CDKAL1: variants seen among roughly 807,000 people sequenced by gnomAD.
CDKAL1 encodes threonylcarbamoyladenosine tRNA methylthiotransferase.
In CDKAL1, 32 loss-of-function variants were observed where a neutral mutation model predicts 68.2. The ratio of observed to expected loss-of-function variants is 0.47; its 90% CI spans 0.35 to 0.63. The LOEUF is 0.63. Among genes scored for constraint, CDKAL1 ranks in the 30% least tolerant of loss-of-function variants. The pLI is 0.00. For synonymous variants in CDKAL1, 234 were observed against 244.3 expected, an observed-to-expected ratio of 0.96 and a Z score of 0.39; for missense variants, 606 against 696.7, an observed-to-expected ratio of 0.87 and a Z score of 1.47.
intron 4 of CDKAL1, among the ~76,000 whole-genome samples, chr6:20,606,288 G>C (rs558912329): frequency 5.3e-5 from 8 of 152,114 alleles, no homozygotes; most frequent in African/African-American, 9.7e-5. Flanking sequence ...ATTTTTCTGC[G>C]TGAGAGCCTG....
intron 9 of CDKAL1, among the ~76,000 whole-genome samples, chr6:20,900,544 G>A (rs1471256604): frequency 6.6e-6 from 1 of 152,180 alleles, no homozygotes; most frequent in Non-Finnish European, 1.5e-5. Flanking sequence ...GAGAGAAAAA[G>A]GCTGCTGTTA....
intron 10 of CDKAL1, among the ~76,000 whole-genome samples, chr6:20,985,296 G>C (rs1329378217): frequency 6.6e-6 from 1 of 151,876 alleles, no homozygotes; most frequent in Non-Finnish European, 1.5e-5. Context: ...TTGTTTGTTT[G>C]TTTTTGGTTT....
chr6:21,205,830 CTTT>C (rs34849597), intron 15 of CDKAL1, among the ~76,000 whole-genome samples: 24 of 66,590 alleles, frequency 3.6e-4, no homozygotes, highest in African/African-American at 1.9e-3. Flanking sequence ...CGCGCCCAGC[CTTT>C]TTTTTTTTTT....
chr6:20,898,606 G>A (rs1471651488), intron 9 of CDKAL1, among the ~76,000 whole-genome samples: 1 of 151,900 alleles, frequency 6.6e-6, no homozygotes, highest in South Asian at 2.1e-4. Context: ...TCAAAGAGAT[G>A]GAAACCCGGT....
At chr6:20,796,407 T>A (rs1776111343) in intron 8 of CDKAL1, among the ~76,000 whole-genome samples, 1 of 152,188 alleles carries the variant, frequency 6.6e-6, no homozygotes, top group South Asian at 2.1e-4. Context: ...AAATGACAAT[T>A]CTCAAGTTGA....
At position 20,980,234 on chromosome 6, in the gene CDKAL1, TATATAG is replaced by T. The variant is rs1554151313; in HGVS notation, c.910-19984_910-19979del. Among the ~76,000 whole-genome samples, 8 of 122,312 alleles carry T rather than the reference TATATAG, an allele frequency of 6.5e-5. No individual in the cohort carries two copies. The South Asian group carries it at 1.5e-3, about 22-fold the overall frequency. 80.2% of individuals were successfully genotyped at this position (122,312 alleles called of 152,430 possible). A position where few individuals can be genotyped will look rare whatever the true frequency, so the allele number is the denominator to read the frequency against. The stretch of plus-strand genomic sequence containing the variant: ...ATATAGATATAGATATAGATATAGA[TATATAG>T]ATATAGATTTTTTTTGAGACGCAGT... On this transcript the variant is annotated intron_variant, in intron 10 of 15. Coordinates refer to ENST00000274695, the MANE Select transcript of CDKAL1 (RefSeq NM_017774.3).
At chr6:20,799,039 A>ATTTTTTTT (rs1776241521) in intron 8 of CDKAL1, among the ~76,000 whole-genome samples, 1 of 26,256 alleles carries the variant, frequency 3.8e-5, no homozygotes, top group Non-Finnish European at 8.7e-5. Context: ...AAAAGAACTG[A>ATTTTTTTT]GTTTTTTTTT....
At chr6:21,054,272 T>C (rs780326097) in intron 11 of CDKAL1, among the ~76,000 whole-genome samples, 2 of 152,200 alleles carry the variant, frequency 1.3e-5, no homozygotes, top group Admixed American at 6.5e-5. Context: ...ATTACCCATA[T>C]ATGATGAATT....
rs576475931 is a variant in CDKAL1, at chr6:20,749,544, T to C, written c.469-9051T>C. ...CTACCACTAATCCCAGATTTTCTTTTTTTTCTTTTCTTTTTTTTTTTGAGA... is the reference window on the plus strand; with the variant it reads ...CTACCACTAATCCCAGATTTTCTTTCTTTTCTTTTCTTTTTTTTTTTGAGA... On this transcript the variant is annotated intron_variant, in intron 6 of 15. Coordinates refer to ENST00000274695, the MANE Select transcript of CDKAL1 (RefSeq NM_017774.3). Among the ~76,000 whole-genome samples the C allele has an allele frequency of 6.6e-5, 10 of 152,164 alleles. No homozygotes were observed. In the South Asian group the frequency reaches 2.1e-3, roughly 32 times the overall value.
chr6:21,194,820 C>A (rs573976697), intron 13 of CDKAL1, among the ~76,000 whole-genome samples: 1 of 152,180 alleles, frequency 6.6e-6, no homozygotes, highest in Admixed American at 6.5e-5. Flanking sequence ...CTCATTCTTC[C>A]ATAACTTCAG....
chr6:20,655,506 G>A (rs949532027), intron 5 of CDKAL1, among the ~76,000 whole-genome samples: 2 of 152,218 alleles, frequency 1.3e-5, no homozygotes, highest in Non-Finnish European at 2.9e-5. Context: ...GAAGTGAGTG[G>A]TAGGCGAGCA....
At chr6:20,686,282 G>A (rs908036516) in intron 5 of CDKAL1, among the ~76,000 whole-genome samples, 19 of 152,104 alleles carry the variant, frequency 1.2e-4, no homozygotes, top group African/African-American at 3.4e-4. Flanking sequence ...GAACCAGGCC[G>A]CATAGCAGGA....
intron 11 of CDKAL1, among the ~76,000 whole-genome samples, chr6:21,061,901 A>G (rs924606719): frequency 6.6e-6 from 1 of 152,190 alleles, no homozygotes; most frequent in South Asian, 2.1e-4. Context: ...TTACTTTTCA[A>G]TATTGACTAG....
intron 8 of CDKAL1, among the ~76,000 whole-genome samples, chr6:20,804,668 A>C (rs1776492264): frequency 6.6e-6 from 1 of 152,194 alleles, no homozygotes; most frequent in African/African-American, 2.4e-5. Context: ...CAGCTGCAGC[A>C]GACAGTATCT....
intron 9 of CDKAL1, among the ~76,000 whole-genome samples, chr6:20,904,792 GAA>G (rs59916669): frequency 2.7e-5 from 4 of 147,838 alleles, no homozygotes; most frequent in African/African-American, 7.4e-5. Context: ...TCCATCTCAA[GAA>G]AAAAAAAAAG....
intron 13 of CDKAL1, among the ~76,000 whole-genome samples, chr6:21,131,329 GA>G (rs1391658661): frequency 2.0e-5 from 3 of 152,254 alleles, no homozygotes; most frequent in East Asian, 3.9e-4. Flanking sequence ...CTGAATTTCA[GA>G]AATCCCAGTT....
intron 12 of CDKAL1, among the ~76,000 whole-genome samples, chr6:21,094,773 G>A (rs894967641): frequency 5.3e-5 from 8 of 152,122 alleles, no homozygotes; most frequent in African/African-American, 1.9e-4. Context: ...GAGCAGATAC[G>A]CAAATCTTTT....
At chr6:20,671,167 C>T (rs761334086) in intron 5 of CDKAL1, among the ~76,000 whole-genome samples, 13 of 152,194 alleles carry the variant, frequency 8.5e-5, no homozygotes, top group Admixed American at 2.0e-4. Context: ...TCCTTGCAAC[C>T]CCTCAAATGG....
chr6:20,645,974 A>G (rs1417315950), intron 4 of CDKAL1, among the ~76,000 whole-genome samples: 1 of 149,420 alleles, frequency 6.7e-6, no homozygotes, highest in Non-Finnish European at 1.5e-5. Context: ...GTCATCTCCT[A>G]TGTTAGCAAT....
Sources: allele counts gnomAD v4.1 joint callset (sites outside exome capture counted in the v4.1 genomes callset), GRCh38; gene constraint gnomAD v4.1.1; transcripts MANE v1.5; gene names NCBI Gene and HGNC (gene_info 2026-07-23, HGNC 2026-07-21).